CAMTA1: variants seen among roughly 807,000 people sequenced by gnomAD.
CAMTA1 encodes calmodulin-binding transcription activator 1.
A neutral mutation model predicts 170.9 loss-of-function variants in CAMTA1; 27 were observed. The observed-to-expected ratio is 0.16, with a 90% CI of 0.12 to 0.22. CAMTA1 has a LOEUF of 0.22. Ranked by LOEUF, CAMTA1 falls within the 10% of genes least tolerant of loss-of-function variation. CAMTA1 has a pLI of 1.00. For missense variants in CAMTA1, 1,619 were observed against 2,217.2 expected (o/e 0.73, Z 5.42); for synonymous variants, 833 against 891.5 (o/e 0.93, Z 1.17).
At chr1:7,276,303 A>ATATATAATTTTTTTTTTT in intron 5 of CAMTA1, among the ~76,000 whole-genome samples, 1 of 24,228 alleles carries the variant, frequency 4.1e-5, no homozygotes, top group African/African-American at 3.0e-4. Context: ...ATATATATAT[A>ATATATAATTTTTTTTTTT]TTTTTTTTTT....
intron 6 of CAMTA1, among the ~76,000 whole-genome samples, chr1:7,500,118 TG>T (rs952406443): frequency 2.7e-5 from 4 of 147,098 alleles, no homozygotes; most frequent in African/African-American, 1.0e-4. Flanking sequence ...TGTGTGAGCC[TG>T]GTGTGCGTGT....
At chr1:7,351,221 T>A (rs2084644888) in intron 5 of CAMTA1, among the ~76,000 whole-genome samples, 2 of 152,234 alleles carry the variant, frequency 1.3e-5, no homozygotes, top group South Asian at 4.1e-4. Context: ...CCAGGCACGA[T>A]CCTGATGTCT....
intron 5 of CAMTA1, among the ~76,000 whole-genome samples, chr1:7,373,098 G>T (rs1030205907): frequency 2.0e-5 from 3 of 152,232 alleles, no homozygotes; most frequent in Non-Finnish European, 4.4e-5. Context: ...GGTGATTCTA[G>T]TGCAGAGTCT....
chr1:7,464,070 G>A (rs1239519355), intron 5 of CAMTA1, among the ~76,000 whole-genome samples: 1 of 152,144 alleles, frequency 6.6e-6, no homozygotes, highest in Non-Finnish European at 1.5e-5. Flanking sequence ...CCATGTTAAG[G>A]GGAAGCTGCC....
chr1:7,138,400 T>G (rs188554281), intron 4 of CAMTA1, among the ~76,000 whole-genome samples: 1 of 152,288 alleles, frequency 6.6e-6, no homozygotes, highest in African/African-American at 2.4e-5. Context: ...AATATTACGT[T>G]TCAGAAATTA....
intron 3 of CAMTA1, among the ~76,000 whole-genome samples, chr1:6,848,696 A>C (rs1659243470): frequency 6.6e-6 from 1 of 152,216 alleles, no homozygotes; most frequent in Non-Finnish European, 1.5e-5. Context: ...CTACTCTGTT[A>C]GGTTCAGTAC....
chr1:6,868,280 G>T (rs1178007965), intron 3 of CAMTA1, among the ~76,000 whole-genome samples: 1 of 149,702 alleles, frequency 6.7e-6, no homozygotes, highest in African/African-American at 2.4e-5. Context: ...CTGCACTCTA[G>T]CCTGGGTGAC....
chr1:7,706,465 T>C (rs1435427398), intron 11 of CAMTA1, among the ~76,000 whole-genome samples: 5 of 152,220 alleles, frequency 3.3e-5, no homozygotes, highest in Non-Finnish European at 5.9e-5. Flanking sequence ...CTGTGTCTTA[T>C]CGAGAAACTA....
intron 5 of CAMTA1, among the ~76,000 whole-genome samples, chr1:7,437,660 T>G (rs752120403): frequency 3.3e-5 from 5 of 152,130 alleles, no homozygotes; most frequent in Non-Finnish European, 7.4e-5. Context: ...CCTCTGACTT[T>G]TAAGGGAAGA....
chr1:7,182,016 G>T (rs1652272560), intron 4 of CAMTA1, among the ~76,000 whole-genome samples: 1 of 145,970 alleles, frequency 6.9e-6, no homozygotes, highest in Non-Finnish European at 1.5e-5. Context: ...ATTCAAAATA[G>T]CAGTAGAATT....
At chr1:7,719,367 C>T (rs2096634731) in intron 11 of CAMTA1, among the ~76,000 whole-genome samples, 1 of 152,178 alleles carries the variant, frequency 6.6e-6, no homozygotes, top group South Asian at 2.1e-4. Context: ...GCCCTTGTAA[C>T]ATTTTGTCTA....
intron 3 of CAMTA1, among the ~76,000 whole-genome samples, chr1:7,057,217 C>T (rs534271206): frequency 6.6e-6 from 1 of 152,314 alleles, no homozygotes; most frequent in South Asian, 2.1e-4. Context: ...ATCCTATCTC[C>T]AGTTTTGCCT....
At chr1:7,733,248 G>A (rs2096747767) in intron 12 of CAMTA1, among the ~76,000 whole-genome samples, 1 of 152,066 alleles carries the variant, frequency 6.6e-6, no homozygotes, top group South Asian at 2.1e-4. Context: ...ACTTAGACCT[G>A]CTAGGGTTCA....
At chr1:7,096,431 C>A (rs1044406282) in intron 4 of CAMTA1, among the ~76,000 whole-genome samples, 1 of 152,194 alleles carries the variant, frequency 6.6e-6, no homozygotes, top group Non-Finnish European at 1.5e-5. Flanking sequence ...TGGATCATTC[C>A]CCACATCCGA....
rs1485748358 is a variant in CAMTA1 at position 6,880,446 on chromosome 1, A to G, written c.234+55236A>G. 2.1e-5 allele frequency among the ~76,000 whole-genome samples: 3 copies of G among 141,820 alleles called. No individual in the cohort carries two copies. In the East Asian group the frequency reaches 6.2e-4, roughly 29 times the overall value. The allele number at this position is 141,820 out of a possible 152,430, so 93.0% of individuals were successfully genotyped here. On this transcript the variant is annotated intron_variant, in intron 3 of 22. Transcript: ENST00000303635. ...ACTCTGTTGCCTAGGCTGGAGTGCA[A>G]TAACATGGTCTTAGCTCATGGCAAC...
rs1231554548 is a variant in CAMTA1 at position 7,515,892 on chromosome 1, C to A, written c.510+47991C>A. ...ATAGGCACGGTTTGTCTGATTTCAG[C>A]CTCTGAGTGGGAACAGCCGATGCAA... On this transcript the variant is annotated intron_variant, in intron 6 of 22. Transcript: ENST00000303635. 2.0e-5 allele frequency among the ~76,000 whole-genome samples: 3 copies of A among 152,356 alleles called. No individual in the cohort carries two copies. The South Asian group carries it at 6.2e-4, about 32-fold the overall frequency.
chr1:7,250,844 G>C (rs1379004250), intron 5 of CAMTA1, among the ~76,000 whole-genome samples: 3 of 152,192 alleles, frequency 2.0e-5, no homozygotes, highest in Non-Finnish European at 4.4e-5. Flanking sequence ...GCACAGTGTG[G>C]TTTAATTGAC....
intron 3 of CAMTA1, among the ~76,000 whole-genome samples, chr1:6,978,369 C>T (rs1400593520): frequency 5.3e-5 from 8 of 152,180 alleles, no homozygotes. Context: ...CACGGTGGCT[C>T]ACGCCTGTTA....
chr1:7,405,981 C>T (rs2090255894), intron 5 of CAMTA1, among the ~76,000 whole-genome samples: 1 of 152,224 alleles, frequency 6.6e-6, no homozygotes, highest in Admixed American at 6.5e-5. Flanking sequence ...CTACCGTCTG[C>T]ACCCCCTGCT....
Sources: allele counts gnomAD v4.1 joint callset (sites outside exome capture counted in the v4.1 genomes callset), GRCh38; gene constraint gnomAD v4.1.1; transcripts MANE v1.5; gene names NCBI Gene and HGNC (gene_info 2026-07-23, HGNC 2026-07-21).